The following AUTS2 variants were observed in gnomAD, a reference collection of about 807,000 sequenced individuals.
AUTS2 encodes activator of transcription and developmental regulator AUTS2.
Under a neutral mutation model 112.4 loss-of-function variants are expected in AUTS2, and 17 were observed. The observed-to-expected ratio is 0.15, with a 90% confidence interval of 0.10 to 0.23. The LOEUF is 0.23. Among genes scored for constraint, AUTS2 ranks in the 10% least tolerant of loss-of-function variants. The pLI is 1.00. For missense variants in AUTS2, 1,510 were observed against 1,701.6 expected, an observed-to-expected ratio of 0.89 and a Z score of 1.98; for synonymous variants, 751 against 702.7, an observed-to-expected ratio of 1.07 and a Z score of -1.09.
intron 5 of AUTS2, among the ~76,000 whole-genome samples, chr7:70,650,261 C>T (rs913966540): frequency 2.6e-5 from 4 of 152,212 alleles, no homozygotes; most frequent in Admixed American, 6.5e-5. Flanking sequence ...TACATACCGT[C>T]TCCTAAAACA....
At chr7:69,625,106 C>T (rs949421313) in intron 1 of AUTS2, among the ~76,000 whole-genome samples, 2 of 152,136 alleles carry the variant, frequency 1.3e-5, no homozygotes, top group Admixed American at 6.5e-5. Context: ...TAGGAGAGCC[C>T]GAATGATTTA....
chr7:70,505,628 T>G (rs746970685), intron 5 of AUTS2, among the ~76,000 whole-genome samples: 1 of 152,208 alleles, frequency 6.6e-6, no homozygotes, highest in Non-Finnish European at 1.5e-5. Flanking sequence ...AGGAAGTTCC[T>G]GCCGACACAG....
intron 1 of AUTS2, among the ~76,000 whole-genome samples, chr7:69,700,101 G>C (rs1198359325): frequency 6.6e-6 from 1 of 152,184 alleles, no homozygotes; most frequent in Non-Finnish European, 1.5e-5. Flanking sequence ...TAAGAGTAGA[G>C]ATTTCCCCGC....
chr7:70,705,279 T>C (rs957659068), intron 6 of AUTS2, among the ~76,000 whole-genome samples: 1 of 152,256 alleles, frequency 6.6e-6, no homozygotes, highest in African/African-American at 2.4e-5. Context: ...TGGTGAATTA[T>C]GAATCCAGTG....
At chr7:70,435,614 C>G in intron 4 of AUTS2, 138 bp from the exon 5 acceptor site, 1 of 836,442 alleles carries the variant, frequency 1.2e-6, no homozygotes, top group Non-Finnish European at 1.9e-6. Flanking sequence ...GAAACTCTTT[C>G]TTTCCAGGAA....
intron 1 of AUTS2, among the ~76,000 whole-genome samples, chr7:69,651,856 C>T (rs1353446402): frequency 6.6e-6 from 1 of 152,144 alleles, no homozygotes; most frequent in African/African-American, 2.4e-5. Context: ...CAGAAAAAGA[C>T]CCCCACACAT....
chr7:70,081,207 A>G (rs1218224897), intron 2 of AUTS2, among the ~76,000 whole-genome samples: 3 of 152,004 alleles, frequency 2.0e-5, no homozygotes, highest in Non-Finnish European at 2.9e-5. Flanking sequence ...TATAAATGAA[A>G]AATCTTGAAA....
chr7:70,214,682 T>A (rs1584886448), intron 4 of AUTS2, among the ~76,000 whole-genome samples: 1 of 152,338 alleles, frequency 6.6e-6, no homozygotes, highest in South Asian at 2.1e-4. Context: ...GTACCTTTTT[T>A]TAAATTCGTG....
chr7:70,316,052 G>T (rs1288866891), intron 4 of AUTS2, among the ~76,000 whole-genome samples: 1 of 152,218 alleles, frequency 6.6e-6, no homozygotes, highest in Non-Finnish European at 1.5e-5. Flanking sequence ...GCCCTGCATA[G>T]AGTTAGAACT....
At chr7:70,426,681 G>C (rs1404614820) in intron 4 of AUTS2, among the ~76,000 whole-genome samples, 2 of 152,096 alleles carry the variant, frequency 1.3e-5, no homozygotes, top group South Asian at 4.1e-4. Flanking sequence ...TTAAAGTAAT[G>C]AGCTATGGCA....
chr7:70,490,251 A>C (rs1017293968), intron 5 of AUTS2, among the ~76,000 whole-genome samples: 1 of 152,120 alleles, frequency 6.6e-6, no homozygotes, highest in Non-Finnish European at 1.5e-5. Context: ...AGATTAACAA[A>C]ATTGAGAAAC....
chr7:70,522,325 CA>C (rs1799676915), intron 5 of AUTS2, among the ~76,000 whole-genome samples: 1 of 152,238 alleles, frequency 6.6e-6, no homozygotes, highest in East Asian at 1.9e-4. Flanking sequence ...ATTTTGGATT[CA>C]GGGGGTATAT....
chr7:70,288,047 A>T (rs945000929), intron 4 of AUTS2, among the ~76,000 whole-genome samples: 1 of 152,094 alleles, frequency 6.6e-6, no homozygotes, highest in African/African-American at 2.4e-5. Flanking sequence ...TAAAGATATG[A>T]GGCATGGGGG....
At chr7:70,532,774 G>C (rs1278271446) in intron 5 of AUTS2, among the ~76,000 whole-genome samples, 1 of 152,184 alleles carries the variant, frequency 6.6e-6, no homozygotes, top group Non-Finnish European at 1.5e-5. Flanking sequence ...ATGAGGGGAG[G>C]TGGAGGTAAA....
At chr7:69,992,167 G>T (rs1798766729) in intron 2 of AUTS2, among the ~76,000 whole-genome samples, 1 of 152,154 alleles carries the variant, frequency 6.6e-6, no homozygotes. Flanking sequence ...GACGGAAAAG[G>T]AGCATTGGAC....
chr7:70,605,907 A>C (rs940003357), intron 5 of AUTS2, among the ~76,000 whole-genome samples: 1 of 152,218 alleles, frequency 6.6e-6, no homozygotes, highest in Non-Finnish European at 1.5e-5. Context: ...GGGAGCTGGC[A>C]AGGTCTGATG....
chr7:69,872,267 T>G (rs1034285764), intron 1 of AUTS2, among the ~76,000 whole-genome samples: 2 of 152,230 alleles, frequency 1.3e-5, no homozygotes, highest in Non-Finnish European at 2.9e-5. Context: ...GCATGAATTA[T>G]CTCTTACGTT....
At chr7:69,982,500 C>T (rs1332540765) in intron 2 of AUTS2, among the ~76,000 whole-genome samples, 3 of 152,136 alleles carry the variant, frequency 2.0e-5, no homozygotes, top group African/African-American at 7.2e-5. Context: ...TTCCTTGGAC[C>T]TCTGGAGTAT....
At chr7:70,185,103 T>C (rs2129581568) in intron 4 of AUTS2, among the ~76,000 whole-genome samples, 1 of 152,200 alleles carries the variant, frequency 6.6e-6, no homozygotes, top group South Asian at 2.1e-4. Context: ...CAGCAAAGGG[T>C]GGCACATAGT....
Sources: allele counts gnomAD v4.1 joint callset (sites outside exome capture counted in the v4.1 genomes callset), GRCh38; gene constraint gnomAD v4.1.1; transcripts MANE v1.5; gene names NCBI Gene and HGNC (gene_info 2026-07-23, HGNC 2026-07-21).